Variants in LIMA1 observed in about 807,000 individuals in gnomAD.
LIMA1 encodes LIM domain and actin-binding protein 1.
Under a neutral mutation model 62.6 loss-of-function variants are expected in LIMA1, and 52 were observed. The ratio of observed to expected loss-of-function variants is 0.83; its 90% CI spans 0.67 to 1.05. The LOEUF (loss-of-function observed/expected upper bound fraction) is 1.05, where lower values mean the gene tolerates loss of function less well. Among genes scored for constraint, LIMA1 ranks in the 50% least tolerant of loss-of-function variants. The pLI, the probability that LIMA1 is intolerant of heterozygous loss-of-function variation, is 0.00. For synonymous variants in LIMA1, 302 were observed against 317.8 expected, an observed-to-expected ratio of 0.95 and a Z score of 0.53; for missense variants, 780 against 902.2, an observed-to-expected ratio of 0.86 and a Z score of 1.74.
At chr12:50,230,753 A>G (rs1053972646) in intron 3 of LIMA1, among the ~76,000 whole-genome samples, 1 of 151,544 alleles carries the variant, frequency 6.6e-6, no homozygotes, top group Admixed American at 6.6e-5. Context: ...ATTTTTTTGT[A>G]TTTTTAGTAC....
intron 6 of LIMA1, chr12:50,201,169 T>C (rs1592513714): frequency 3.6e-6 from 4 of 1,116,900 alleles, no homozygotes; most frequent in East Asian, 7.0e-5. Flanking sequence ...ACCCCAAGCA[T>C]ACAACATTCT....
chr12:50,266,639 T>A (rs538431476), intron 1 of LIMA1, among the ~76,000 whole-genome samples: 47 of 152,326 alleles, frequency 3.1e-4, no homozygotes, highest in African/African-American at 9.9e-4. Flanking sequence ...CGGCATAAAT[T>A]CCTAGAAGGA....
intron 7 of LIMA1, among the ~76,000 whole-genome samples, chr12:50,196,367 A>G (rs752160123): frequency 6.6e-6 from 1 of 152,222 alleles, no homozygotes; most frequent in African/African-American, 2.4e-5. Context: ...GCTTGCCTAT[A>G]TAGAAGACCT....
chr12:50,224,632 A>G (rs915314583), intron 3 of LIMA1, among the ~76,000 whole-genome samples: 2 of 152,230 alleles, frequency 1.3e-5, no homozygotes, highest in African/African-American at 4.8e-5. Flanking sequence ...TGTTTTTCTC[A>G]GATACCTATC....
chr12:50,266,442 C>A (rs1012957843), intron 1 of LIMA1, among the ~76,000 whole-genome samples: 1 of 152,192 alleles, frequency 6.6e-6, no homozygotes, highest in Non-Finnish European at 1.5e-5. Flanking sequence ...CATCTTCCCA[C>A]CTCAGGGCAT....
chr12:50,244,814 T>C (rs1224182661), intron 2 of LIMA1, among the ~76,000 whole-genome samples: 2 of 151,978 alleles, frequency 1.3e-5, no homozygotes, highest in African/African-American at 4.8e-5. Context: ...GGCTGGACAA[T>C]GACAGAATAG....
At chr12:50,230,174 A>G (rs1338631291) in intron 3 of LIMA1, among the ~76,000 whole-genome samples, 1 of 152,168 alleles carries the variant, frequency 6.6e-6, no homozygotes, top group East Asian at 1.9e-4. Flanking sequence ...AGCTGGGACT[A>G]CAGGCATGTG....
intron 1 of LIMA1, among the ~76,000 whole-genome samples, chr12:50,252,219 AAGG>A (rs1425324100): frequency 2.6e-5 from 4 of 152,158 alleles, no homozygotes; most frequent in Non-Finnish European, 4.4e-5. Context: ...CAGGAGGAGG[AAGG>A]AGGAGAATAG....
At position 50,245,235 on chromosome 12, in the gene LIMA1, T is replaced by C. The variant is rs150535041; in HGVS notation, c.119+3398A>G. On this transcript the variant is annotated intron_variant, in intron 2 of 10. Transcript: ENST00000341247. ...TTCAAGACCAGCCTGGGCAACATAG[T>C]GAGACGCTGTCTTTACAAAAATAAA... 1.1e-4 allele frequency among the ~76,000 whole-genome samples: 16 copies of C among 151,482 alleles called. No homozygotes were observed. In the East Asian group the frequency reaches 3.1e-3, roughly 29 times the overall value.
At position 50,177,806 on chromosome 12, in the gene LIMA1, G is replaced by A. The variant is rs755551433; in HGVS notation, c.1538C>T (p.Ser513Phe). The A allele has an allele frequency of 6.2e-7, 1 of 1,613,840 alleles. No homozygotes were observed. The highest frequency in any genetic ancestry group is 1.1e-5 in the South Asian group (1 of 91,062). Residue 513 changes from serine (S) to phenylalanine (F), a missense_variant, in exon 11 of 11, where the codon TCC (serine) becomes TTC (phenylalanine). By Grantham distance (155) the Ser-to-Phe change is radical (BLOSUM62 -2). Transcript: ENST00000341247. ...CTTGTCTTCCTTCTCCTGCTGAGAG[G>A]AGGCCTTGGCTTCCATACTTGCAGC... ...VLAASMEAKASSQQEKEDKPA... is the reference protein window; with the variant it reads ...VLAASMEAKAFSQQEKEDKPA...
At chr12:50,259,124 C>A (rs1942034430) in intron 1 of LIMA1, among the ~76,000 whole-genome samples, 1 of 152,052 alleles carries the variant, frequency 6.6e-6, no homozygotes, top group African/African-American at 2.4e-5. Context: ...TAAAATTATG[C>A]CATAACCAGC....
At chr12:50,263,882 ATATATATATATATAAAGTATG>A (rs1942107317) in intron 1 of LIMA1, among the ~76,000 whole-genome samples, 1 of 107,396 alleles carries the variant, frequency 9.3e-6, no homozygotes, top group African/African-American at 3.8e-5. Context: ...TATATAAAGT[ATATATATATATATAAAGTATG>A]TATATATATA....
Position 50,177,736 on chromosome 12 carries a change from A to G in LIMA1, c.1608T>C (p.Thr536=), listed in dbSNP as rs776535993. 1 of 1,614,024 alleles carries G rather than the reference A, an allele frequency of 6.2e-7. No homozygotes were observed. Among genetic ancestry groups the G allele is most frequent in the Non-Finnish European group, 8.5e-7 (1 of 1,179,974 alleles). Residue 536 remains threonine (T), a synonymous_variant, in exon 11 of 11, where the codon ACT becomes ACC. Coordinates refer to ENST00000341247, the MANE Select transcript of LIMA1 (RefSeq NM_016357.5). ...AGGCACTTCCTGAACTTCCAAGTTCAGTGGGGGGTGGCCAGGCGATCCTCA... is the reference window on the plus strand; with the variant it reads ...AGGCACTTCCTGAACTTCCAAGTTCGGTGGGGGGTGGCCAGGCGATCCTCA... ...KKLRIAWPPP[T]ELGSSGSALE... is the part of the protein sequence containing the mutation.
At chr12:50,276,609 G>A (rs1942278362) in intron 1 of LIMA1, among the ~76,000 whole-genome samples, 1 of 152,092 alleles carries the variant, frequency 6.6e-6, no homozygotes, top group African/African-American at 2.4e-5. Context: ...GGTGGCTCAC[G>A]CCTGTAATTG....
chr12:50,248,864 T>C, intron 1 of LIMA1, 90 bp from the exon 2 acceptor site: 3 of 704,168 alleles, frequency 4.3e-6, no homozygotes, highest in Non-Finnish European at 7.7e-6. Context: ...GCCCTAAACT[T>C]GCAGACCACA....
At chr12:50,240,549 G>A (rs141511576) in intron 2 of LIMA1, among the ~76,000 whole-genome samples, 7 of 152,306 alleles carry the variant, frequency 4.6e-5, no homozygotes, top group Non-Finnish European at 7.3e-5. Context: ...ATCAGATGGG[G>A]AAGAGAGAAT....
chr12:50,197,937 T>C (rs1317333583), intron 7 of LIMA1, among the ~76,000 whole-genome samples: 1 of 152,100 alleles, frequency 6.6e-6, no homozygotes, highest in Non-Finnish European at 1.5e-5. Context: ...ACTTAATACA[T>C]GGCATGTGCC....
chr12:50,244,264 C>A (rs1468292027), intron 2 of LIMA1, among the ~76,000 whole-genome samples: 2 of 152,156 alleles, frequency 1.3e-5, no homozygotes, highest in Non-Finnish European at 2.9e-5. Flanking sequence ...CCACGATGCC[C>A]AGCTAATTTT....
At chr12:50,216,278 C>T (rs1251112502) in intron 4 of LIMA1, among the ~76,000 whole-genome samples, 1 of 152,010 alleles carries the variant, frequency 6.6e-6, no homozygotes, top group East Asian at 2.0e-4. Flanking sequence ...GCAATGGTGT[C>T]ATCTCAGCTC....
Sources: allele counts gnomAD v4.1 joint callset (sites outside exome capture counted in the v4.1 genomes callset), GRCh38; gene constraint gnomAD v4.1.1; transcripts MANE v1.5; gene names NCBI Gene and HGNC (gene_info 2026-07-23, HGNC 2026-07-21).